TLE4: variants seen among roughly 807,000 people sequenced by gnomAD.
TLE4 encodes the protein transducin-like enhancer protein 4.
In TLE4, 8 loss-of-function variants were observed where a neutral mutation model predicts 92.8. That is an observed-to-expected ratio of 0.09 (90% CI 0.05 to 0.16). The LOEUF (loss-of-function observed/expected upper bound fraction) is 0.16. Ranked by LOEUF, TLE4 falls within the 10% of genes least tolerant of loss-of-function variation. The pLI, the probability that TLE4 is intolerant of heterozygous loss-of-function variation, is 1.00. For synonymous variants in TLE4, 371 were observed against 374.1 expected (o/e 0.99, Z 0.10); for missense variants, 675 against 997.6 (o/e 0.68, Z 4.36).
At chr9:79,580,544 GA>G (rs2039359616) in intron 4 of TLE4, among the ~76,000 whole-genome samples, 1 of 152,090 alleles carries the variant, frequency 6.6e-6, no homozygotes, top group Admixed American at 6.5e-5. Flanking sequence ...GAAGTTTGTT[GA>G]AAGTTCATTT....
chr9:79,573,123 G>T, intron 1 of TLE4: 2 of 623,778 alleles, frequency 3.2e-6, no homozygotes, highest in Non-Finnish European at 4.5e-6. Flanking sequence ...GACTCCTCGA[G>T]GGGGGGTGGC....
At chr9:79,590,301 G>A (rs2042228793) in intron 4 of TLE4, among the ~76,000 whole-genome samples, 1 of 152,202 alleles carries the variant, frequency 6.6e-6, no homozygotes, top group Non-Finnish European at 1.5e-5. Flanking sequence ...TGAAGAAATT[G>A]TGTCCCCAAA....
chr9:79,669,235 G>A (rs965254759), intron 8 of TLE4, among the ~76,000 whole-genome samples: 1 of 152,084 alleles, frequency 6.6e-6, no homozygotes, highest in African/African-American at 2.4e-5. Context: ...TCAGAGATAG[G>A]TCCCTCTGAA....
chr9:79,588,626 C>T (rs554119142), intron 4 of TLE4, among the ~76,000 whole-genome samples: 31 of 152,168 alleles, frequency 2.0e-4, no homozygotes, highest in Non-Finnish European at 3.8e-4. Flanking sequence ...ACTGTTTGTC[C>T]GTGGCTGGAT....
At chr9:79,572,913 T>G in intron 1 of TLE4, 78 bp downstream of exon 1, 1 of 1,493,272 alleles carries the variant, frequency 6.7e-7, no homozygotes, top group Non-Finnish European at 9.1e-7. Flanking sequence ...CCGAGTTGTG[T>G]CTTTTGGCCG....
At chr9:79,683,875 C>T (rs2065241670) in intron 8 of TLE4, among the ~76,000 whole-genome samples, 1 of 152,104 alleles carries the variant, frequency 6.6e-6, no homozygotes, top group South Asian at 2.1e-4. Flanking sequence ...AGGGCATGTA[C>T]AATGATGAAA....
chr9:79,699,892 A>G (rs2069303617), intron 8 of TLE4, among the ~76,000 whole-genome samples: 1 of 152,226 alleles, frequency 6.6e-6, no homozygotes, highest in East Asian at 1.9e-4. Flanking sequence ...GGTGAATAGT[A>G]GCATATTAAA....
At chr9:79,662,711 T>C (rs1242707137) in intron 8 of TLE4, among the ~76,000 whole-genome samples, 1 of 152,036 alleles carries the variant, frequency 6.6e-6, no homozygotes, top group Non-Finnish European at 1.5e-5. Flanking sequence ...AATATGGAAA[T>C]CCTATTAAGG....
In TLE4 at chr9:79,706,872, C is replaced by T; in HGVS notation, c.909C>T (p.Pro303=). The change falls in exon 11 of 20, where the codon CCC becomes CCT. Residue 303 remains proline (P), a synonymous_variant. Transcript: ENST00000376552. ...CTATTGCATCTTCCAGCAGTACTCC[C>T]TCCTCCAAATCCAAAGAACTTAGCC... ...PASIASSSST[P]SSKSKELSLN... is the part of the protein sequence containing the mutation. The T allele has an allele frequency of 1.2e-6, 2 of 1,614,200 alleles. No individual in the cohort carries two copies. Among genetic ancestry groups the T allele is most frequent in the Non-Finnish European group, 1.7e-6 (2 of 1,180,034 alleles).
At chr9:79,581,936 TC>T (rs1185965651) in intron 4 of TLE4, among the ~76,000 whole-genome samples, 3 of 152,268 alleles carry the variant, frequency 2.0e-5, no homozygotes, top group Admixed American at 1.3e-4. Context: ...TTGCTTTCAC[TC>T]GGAATCTCCC....
intron 8 of TLE4, among the ~76,000 whole-genome samples, chr9:79,671,742 ACAGAAGTATAT>A (rs2062389072): frequency 6.6e-6 from 1 of 152,018 alleles, no homozygotes; most frequent in African/African-American, 2.4e-5. Context: ...ATGGACTTTG[ACAGAAGTATAT>A]CTGAAGGGAA....
At chr9:79,701,596 T>A (rs576371268) in intron 8 of TLE4, among the ~76,000 whole-genome samples, 1 of 152,146 alleles carries the variant, frequency 6.6e-6, no homozygotes, top group Non-Finnish European at 1.5e-5. Flanking sequence ...TTAGCCAGAT[T>A]TAGTGCATCT....
At position 79,725,229 on chromosome 9, in the gene TLE4, T is replaced by TG; in HGVS notation, c.*85_*86insG. ...TTTTGTTCACCCCCATCCCCGCATC[T>TG]AAAACCAAGGATTTCAGATACTCAT... On this transcript the variant is annotated 3_prime_UTR_variant, in exon 20 of 20. Transcript: ENST00000376552. The TG allele has an allele frequency of 2.2e-6, 2 of 920,348 alleles. No homozygotes were observed. The highest frequency in any genetic ancestry group is 3.4e-6 in the Non-Finnish European group (2 of 582,516). The allele number at this position is 920,348 out of a possible 1,614,324, so 57.0% of individuals were successfully genotyped here.
At chr9:79,670,868 TG>T (rs2062199435) in intron 8 of TLE4, among the ~76,000 whole-genome samples, 1 of 152,108 alleles carries the variant, frequency 6.6e-6, no homozygotes, top group Admixed American at 6.6e-5. Context: ...AGGTCCTTAT[TG>T]GTTTTTTTTT....
chr9:79,656,851 C>A (rs2059854519), intron 8 of TLE4, among the ~76,000 whole-genome samples: 1 of 152,240 alleles, frequency 6.6e-6, no homozygotes, highest in East Asian at 1.9e-4. Context: ...CCTTTAGATG[C>A]CAAGTAAAAT....
At chr9:79,662,053 T>G (rs571161280) in intron 8 of TLE4, among the ~76,000 whole-genome samples, 1 of 152,140 alleles carries the variant, frequency 6.6e-6, no homozygotes, top group Non-Finnish European at 1.5e-5. Context: ...TTCCATCCCC[T>G]CTGCATCCAC....
chr9:79,593,042 A>G (rs758817546), intron 4 of TLE4, among the ~76,000 whole-genome samples: 3 of 152,142 alleles, frequency 2.0e-5, no homozygotes, highest in African/African-American at 7.2e-5. Flanking sequence ...CATATTCTGT[A>G]TTTTCAACCT....
At chr9:79,719,938 G>A (rs2075290969) in intron 15 of TLE4, 108 bp from the exon 16 acceptor site, 2 of 1,389,752 alleles carry the variant, frequency 1.4e-6, no homozygotes, top group Non-Finnish European at 1.9e-6. Context: ...AGTATAAACG[G>A]CTCATTAAAC....
intron 4 of TLE4, among the ~76,000 whole-genome samples, chr9:79,589,374 C>G (rs1457698564): frequency 6.6e-6 from 1 of 151,812 alleles, no homozygotes; most frequent in Non-Finnish European, 1.5e-5. Context: ...TAGTTAAGTT[C>G]TGAATAGAGA....
Sources: gnomAD v4.1 joint callset for allele counts (sites outside exome capture counted in the v4.1 genomes callset) on GRCh38, gnomAD v4.1.1 for gene constraint, MANE v1.5 for transcripts, NCBI Gene and HGNC (gene_info 2026-07-23, HGNC 2026-07-21) for gene names.